The following ARFGEF3 variants were observed in gnomAD, a reference collection of about 807,000 sequenced individuals.
The protein encoded by ARFGEF3 is brefeldin A-inhibited guanine nucleotide-exchange protein 3.
A neutral mutation model predicts 221.7 loss-of-function variants in ARFGEF3; 96 were observed. That is an observed-to-expected ratio of 0.43 (90% confidence interval 0.37 to 0.51). The LOEUF (loss-of-function observed/expected upper bound fraction) is 0.51, where lower values mean the gene tolerates loss of function less well. ARFGEF3 is among the 20% of genes least tolerant of loss of function. The pLI, the probability that ARFGEF3 is intolerant of heterozygous loss-of-function variation, is 0.00. For synonymous variants in ARFGEF3, 1,145 were observed against 1,126.8 expected (o/e 1.02, Z -0.32); for missense variants, 2,410 against 2,789.9 (o/e 0.86, Z 3.07).
At chr6:138,257,804 C>G (rs1302722260) in intron 10 of ARFGEF3, among the ~76,000 whole-genome samples, 1 of 152,196 alleles carries the variant, frequency 6.6e-6, no homozygotes, top group Non-Finnish European at 1.5e-5. Context: ...AATCATTTAA[C>G]TCTGAACTTA....
intron 24 of ARFGEF3, among the ~76,000 whole-genome samples, chr6:138,309,239 T>C (rs1450124000): frequency 6.6e-6 from 1 of 152,192 alleles, no homozygotes; most frequent in Non-Finnish European, 1.5e-5. Flanking sequence ...CTAAACCTTT[T>C]GGTTTAACTA....
At chr6:138,261,331 G>A (rs1216161098) in intron 10 of ARFGEF3, among the ~76,000 whole-genome samples, 196 bp from the exon 11 acceptor site, 1 of 152,196 alleles carries the variant, frequency 6.6e-6, no homozygotes, top group Non-Finnish European at 1.5e-5. Context: ...AGAGCCAGGA[G>A]CCTGATACAC....
chr6:138,212,339 G>A (rs1777745403), intron 4 of ARFGEF3, among the ~76,000 whole-genome samples: 1 of 152,178 alleles, frequency 6.6e-6, no homozygotes, highest in African/African-American at 2.4e-5. Flanking sequence ...ACCAGCCTGG[G>A]CAACATGGCG....
chr6:138,173,190 C>T (rs940375465), intron 2 of ARFGEF3, among the ~76,000 whole-genome samples: 7 of 151,594 alleles, frequency 4.6e-5, no homozygotes, highest in African/African-American at 1.7e-4. Context: ...AACTTGCTGT[C>T]GTATTCACAA....
intron 4 of ARFGEF3, among the ~76,000 whole-genome samples, chr6:138,221,925 A>T (rs1156665194): frequency 1.3e-5 from 2 of 152,344 alleles, no homozygotes; most frequent in Middle Eastern, 3.4e-3. Flanking sequence ...TGAGCCAGAG[A>T]GTGATTTGGT....
intron 12 of ARFGEF3, among the ~76,000 whole-genome samples, chr6:138,277,638 C>G (rs140692682): frequency 1.3e-5 from 2 of 152,182 alleles, no homozygotes; most frequent in Non-Finnish European, 2.9e-5. Flanking sequence ...CTTACTCATT[C>G]GGCAAATGTT....
At chr6:138,274,666 A>G (rs1434191603) in intron 12 of ARFGEF3, among the ~76,000 whole-genome samples, 1 of 152,010 alleles carries the variant, frequency 6.6e-6, no homozygotes, top group Non-Finnish European at 1.5e-5. Context: ...ATGGTGGTGC[A>G]TGCCTGTAAT....
chr6:138,163,364 G>T (rs1195540332), intron 1 of ARFGEF3, among the ~76,000 whole-genome samples: 1 of 152,164 alleles, frequency 6.6e-6, no homozygotes, highest in African/African-American at 2.4e-5. Flanking sequence ...AAAGAAAAAT[G>T]GACCAGAAAT....
chr6:138,261,936 A>G (rs1288174355), intron 11 of ARFGEF3, among the ~76,000 whole-genome samples: 2 of 152,160 alleles, frequency 1.3e-5, no homozygotes, highest in African/African-American at 2.4e-5. Flanking sequence ...ATTTCTTCAT[A>G]TGTAGCCCCC....
chr6:138,219,160 A>C (rs969051185), intron 4 of ARFGEF3, among the ~76,000 whole-genome samples: 2 of 152,222 alleles, frequency 1.3e-5, no homozygotes, highest in African/African-American at 4.8e-5. Context: ...CATGTTTAGC[A>C]GGGCAGAACA....
At chr6:138,288,064 C>T (rs548100088) in intron 17 of ARFGEF3, among the ~76,000 whole-genome samples, 10 of 151,934 alleles carry the variant, frequency 6.6e-5, no homozygotes, top group East Asian at 1.9e-4. Flanking sequence ...ACCAAGACCA[C>T]GATATTCAGA....
intron 22 of ARFGEF3, 76 bp downstream of exon 22, chr6:138,298,861 G>A (rs1334769350): frequency 1.5e-5 from 16 of 1,100,170 alleles, no homozygotes; most frequent in Admixed American, 2.2e-5. Context: ...TATGAGCTTC[G>A]CACACTTACT....
At chr6:138,245,702 T>C in intron 8 of ARFGEF3, 111 bp downstream of exon 8, 1 of 834,922 alleles carries the variant, frequency 1.2e-6, no homozygotes, top group South Asian at 1.4e-5. Flanking sequence ...GGGACAATAG[T>C]TTCCCCCCTC....
intron 5 of ARFGEF3, among the ~76,000 whole-genome samples, chr6:138,231,730 T>C (rs1778195726): frequency 2.0e-5 from 3 of 152,200 alleles, no homozygotes; most frequent in Admixed American, 6.5e-5. Context: ...TTTGTATACA[T>C]TGACTATTAC....
At position 138,162,182 on chromosome 6, in the gene ARFGEF3, G is replaced by A. The variant is rs776579767; in HGVS notation, c.85+11G>A. ...GCACCTGGGCCCTGGGTAAGCGTCC[G>A]GCACCTGCTCGCCGCGGCGGGAGGG... On this transcript the variant is annotated intron_variant, in intron 1 of 33. Transcript: ENST00000251691. This position sits in a 1 kb window ranked among gnomAD's most constrained non-coding sequence, Gnocchi z 4.7. 15 of 1,591,244 alleles carry A rather than the reference G, an allele frequency of 9.4e-6. No homozygotes were observed. The highest frequency in any genetic ancestry group is 1.3e-5 in the Non-Finnish European group (15 of 1,167,602).
chr6:138,321,069 C>A (rs1780018762), intron 28 of ARFGEF3, 42 bp from the exon 29 acceptor site: 2 of 1,183,240 alleles, frequency 1.7e-6, no homozygotes, highest in African/African-American at 1.5e-5. Flanking sequence ...TACCCCTTTA[C>A]ACTAGAGCTG....
intron 2 of ARFGEF3, among the ~76,000 whole-genome samples, chr6:138,180,499 A>G (rs1169213143): frequency 4.6e-5 from 7 of 151,882 alleles, no homozygotes; most frequent in South Asian, 2.1e-4. Context: ...TTTTCTCCCT[A>G]CTATAGCTGA....
chr6:138,209,107 G>T (rs554787122), intron 3 of ARFGEF3, among the ~76,000 whole-genome samples: 5 of 152,206 alleles, frequency 3.3e-5, no homozygotes, highest in South Asian at 2.1e-4. Flanking sequence ...TGAGGTTTTG[G>T]GGGGGATGCA....
Position 138,243,273 on chromosome 6 carries a change from A to G in ARFGEF3, c.586+279A>G, listed in dbSNP as rs1250165008. ...CTCTCATTTGGAGGCGGGCTTTGTT[A>G]GTTACTTCATTCTCCATGAAGTCAG... On this transcript the variant is annotated intron_variant, in intron 7 of 33. Transcript: ENST00000251691. 2.0e-5 allele frequency among the ~76,000 whole-genome samples: 3 copies of G among 152,194 alleles called. No individual in the cohort carries two copies. In the East Asian group the frequency reaches 5.8e-4, roughly 29 times the overall value.
Sources: gnomAD v4.1 joint callset for allele counts (sites outside exome capture counted in the v4.1 genomes callset) on GRCh38, gnomAD v4.1.1 for gene constraint, Gnocchi (gnomAD v3.1) non-coding constraint, MANE v1.5 for transcripts, NCBI Gene and HGNC (gene_info 2026-07-23, HGNC 2026-07-21) for gene names.